The following EML6 variants were observed in gnomAD, a reference collection of about 807,000 sequenced individuals.
The protein encoded by EML6 is echinoderm microtubule-associated protein-like 6.
In EML6, 154 loss-of-function variants were observed where a neutral mutation model predicts 240.1. The observed-to-expected ratio is 0.64, with a 90% CI of 0.56 to 0.73. The LOEUF is 0.73. EML6 is among the 30% of genes least tolerant of loss of function. The pLI, the probability that EML6 is intolerant of heterozygous loss-of-function variation, is 0.00. For missense variants in EML6, 2,964 were observed against 2,474.6 expected (o/e 1.20, Z -4.20); for synonymous variants, 1,148 against 899.0 (o/e 1.28, Z -4.95).
At chr2:54,840,189 T>C (rs1197204389) in intron 7 of EML6, among the ~76,000 whole-genome samples, 1 of 152,212 alleles carries the variant, frequency 6.6e-6, no homozygotes, top group Non-Finnish European at 1.5e-5. Context: ...TCATTTGGCC[T>C]TGAGAGGCCA....
rs763718947 is a variant in EML6, at chr2:54,816,846, G to T, written c.417G>T (p.Lys139Asn). The change falls in exon 4 of 42, where the codon AAG becomes AAT. Residue 139 changes from lysine (K) to asparagine (N), a missense_variant. Transcript: ENST00000356458. Reference sequence around the variant, plus strand: ...CAGTCTGCATTTGGGACTGGAGGAAGGGAAAACTTCTGGCGTCAGCCACCG... The same window carrying T: ...CAGTCTGCATTTGGGACTGGAGGAATGGAAAACTTCTGGCGTCAGCCACCG... ...KNTVCIWDWR[K>N]GKLLASATGH... The T allele has an allele frequency of 3.9e-5, 60 of 1,551,560 alleles. No homozygotes were observed. Among genetic ancestry groups the T allele is most frequent in the Non-Finnish European group, 5.1e-5 (59 of 1,146,870 alleles).
chr2:54,889,329 A>AAC (rs1348359908), intron 17 of EML6, among the ~76,000 whole-genome samples: 1 of 151,862 alleles, frequency 6.6e-6, no homozygotes, highest in East Asian at 1.9e-4. Context: ...CTCCAGATTA[A>AAC]ACACACACAC....
chr2:54,755,701 C>T (rs1667687629), intron 2 of EML6, among the ~76,000 whole-genome samples: 1 of 152,112 alleles, frequency 6.6e-6, no homozygotes, highest in Non-Finnish European at 1.5e-5. Flanking sequence ...GGCTCTGTTA[C>T]TCAGACTGGA....
intron 28 of EML6, among the ~76,000 whole-genome samples, chr2:54,929,658 C>T (rs115888402): frequency 1.3e-5 from 2 of 151,536 alleles, no homozygotes; most frequent in Non-Finnish European, 2.9e-5. Context: ...TCACTTCTTA[C>T]TATTATGTGG....
intron 2 of EML6, among the ~76,000 whole-genome samples, chr2:54,729,246 G>T (rs1432048278): frequency 1.3e-5 from 2 of 152,246 alleles, no homozygotes; most frequent in African/African-American, 2.4e-5. Flanking sequence ...ATCTGCTGCA[G>T]TCTCACCTCT....
At chr2:54,781,828 T>G (rs7564188) in intron 2 of EML6, among the ~76,000 whole-genome samples, 1,784 of 152,102 alleles carry the variant, frequency 0.012, 35 homozygotes, top group African/African-American at 0.041. Context: ...TGCTGCCACG[T>G]CCCACTAATT....
At chr2:54,903,714 T>A (rs1357778150) in intron 24 of EML6, among the ~76,000 whole-genome samples, 4 of 152,214 alleles carry the variant, frequency 2.6e-5, no homozygotes, top group Non-Finnish European at 4.4e-5. Flanking sequence ...ATGATTATTG[T>A]CACTATTGAT....
intron 15 of EML6, 85 bp downstream of exon 15, chr2:54,869,452 G>C: frequency 9.6e-7 from 1 of 1,042,600 alleles, no homozygotes. Context: ...TTCAAGAAAT[G>C]CTTGGTAGAA....
chr2:54,932,508 C>A (rs776196833), intron 28 of EML6, among the ~76,000 whole-genome samples: 1 of 152,148 alleles, frequency 6.6e-6, no homozygotes, highest in Non-Finnish European at 1.5e-5. Context: ...CACGCCCCAA[C>A]CTGACACACC....
chr2:54,903,832 C>T (rs1573110507), intron 24 of EML6, among the ~76,000 whole-genome samples: 1 of 152,184 alleles, frequency 6.6e-6, no homozygotes, highest in South Asian at 2.1e-4. Flanking sequence ...GTCTTGGGTC[C>T]CCTCATCCTC....
At chr2:54,765,593 T>C (rs1668151855) in intron 2 of EML6, among the ~76,000 whole-genome samples, 1 of 152,144 alleles carries the variant, frequency 6.6e-6, no homozygotes, top group Admixed American at 6.6e-5. Flanking sequence ...CCCTAGTAGG[T>C]GGGACTACAG....
chr2:54,761,844 G>T (rs547024849), intron 2 of EML6, among the ~76,000 whole-genome samples: 1 of 151,072 alleles, frequency 6.6e-6, no homozygotes, highest in African/African-American at 2.4e-5. Context: ...TTATAGATAC[G>T]CATTAGTATT....
At chr2:54,952,984 C>T (rs1001164820) in intron 31 of EML6, among the ~76,000 whole-genome samples, 2 of 152,132 alleles carry the variant, frequency 1.3e-5, no homozygotes. Context: ...TCAAGAACTC[C>T]GTGTCTTTTG....
chr2:54,737,051 A>G (rs73934811), intron 2 of EML6, among the ~76,000 whole-genome samples: 3,066 of 152,302 alleles, frequency 0.02, 112 homozygotes, highest in African/African-American at 0.07. Flanking sequence ...GGGTTGCTAT[A>G]TATAACAGTA....
intron 28 of EML6, among the ~76,000 whole-genome samples, chr2:54,930,373 T>C (rs1674787932): frequency 6.6e-6 from 1 of 152,192 alleles, no homozygotes; most frequent in Admixed American, 6.5e-5. Flanking sequence ...ACTGCCAAAC[T>C]TAATGAAAGG....
intron 2 of EML6, among the ~76,000 whole-genome samples, chr2:54,806,614 A>G (rs1333628606): frequency 7.7e-5 from 1 of 12,992 alleles, no homozygotes; most frequent in African/African-American, 9.0e-4. Flanking sequence ...TCCGTCTCCA[A>G]AAAAAAAAAA....
chr2:54,742,085 A>G (rs1278646997), intron 2 of EML6, among the ~76,000 whole-genome samples: 1 of 152,212 alleles, frequency 6.6e-6, no homozygotes, highest in Non-Finnish European at 1.5e-5. Flanking sequence ...TAAAAGAAAA[A>G]AAGATTCCTC....
chr2:54,887,099 C>G (rs1328445756), intron 17 of EML6, among the ~76,000 whole-genome samples: 1 of 152,160 alleles, frequency 6.6e-6, no homozygotes, highest in Non-Finnish European at 1.5e-5. Flanking sequence ...CCTGCACCAC[C>G]CTTTTGTACA....
intron 28 of EML6, among the ~76,000 whole-genome samples, chr2:54,941,578 A>G (rs1675429916): frequency 6.6e-6 from 1 of 152,230 alleles, no homozygotes; most frequent in African/African-American, 2.4e-5. Flanking sequence ...ATTGATGAAA[A>G]CTGCTCAATC....
Sources: allele counts gnomAD v4.1 joint callset (sites outside exome capture counted in the v4.1 genomes callset), GRCh38; gene constraint gnomAD v4.1.1; transcripts MANE v1.5; gene names NCBI Gene and HGNC (gene_info 2026-07-23, HGNC 2026-07-21).